Variants in C1R observed in about 807,000 individuals in gnomAD.
C1R encodes complement C1r subcomponent.
A neutral mutation model predicts 27.6 loss-of-function variants in C1R; 15 were observed. The ratio of observed to expected loss-of-function variants is 0.54; its 90% CI spans 0.36 to 0.84. The LOEUF is 0.84. Among genes scored for constraint, C1R ranks in the 40% least tolerant of loss-of-function variants. The pLI, the probability that C1R is intolerant of heterozygous loss-of-function variation, is 0.01. For missense variants in C1R, 544 were observed against 577.9 expected, an observed-to-expected ratio of 0.94 and a Z score of 0.60; for synonymous variants, 253 against 228.8, an observed-to-expected ratio of 1.11 and a Z score of -0.95.
intron 4 of C1R, 44 bp downstream of exon 4, chr12:7,089,543 C>G: frequency 1.3e-6 from 1 of 780,438 alleles, no homozygotes; most frequent in Non-Finnish European, 2.4e-6. Flanking sequence ...GCCCAGCAAG[C>G]CCTGGCTCAA....
Position 7,081,125 on chromosome 12 carries a change from G to T in C1R, c.1525C>A (p.His509Asn). The T allele has an allele frequency of 2.5e-6, 4 of 1,614,066 alleles. No homozygotes were observed. Among genetic ancestry groups the T allele is most frequent in the Non-Finnish European group, 3.4e-6 (4 of 1,179,898 alleles). The change falls in exon 11 of 11, where the codon CAC becomes AAC. Residue 509 changes from histidine to asparagine, a missense_variant. By Grantham distance (68) the His-to-Asn change is moderately conservative (BLOSUM62 1). Coordinates refer to ENST00000647956, the MANE Select transcript of C1R (RefSeq NM_001733.7). ...AAAGAGGCGTTGCTTTGCGCTTCGTGTTCCTTGGGATACAGGGTGTGGGCA... is the reference window on the plus strand; with the variant it reads ...AAAGAGGCGTTGCTTTGCGCTTCGTTTTCCTTGGGATACAGGGTGTGGGCA... ...TAAHTLYPKE[H>N]EAQSNASLDV... is the part of the protein sequence containing the mutation.
Position 7,082,126 on chromosome 12 carries a change from G to C in C1R, c.1274-20C>G. 7.2e-7 allele frequency: 1 copy of C among 1,392,832 alleles called. No individual in the cohort carries two copies. The allele number at this position is 1,392,832 out of a possible 1,614,324, so 86.3% of individuals were successfully genotyped here. On this transcript the variant is annotated intron_variant, in intron 9 of 10. Transcript: ENST00000647956. The stretch of plus-strand genomic sequence containing the variant: ...ACACCCCTGAGGGCAGAGGAGGCAA[G>C]AATCAAGTTGGGGGGTGATGGGTAA...
At chr12:7,089,019 T>G in intron 5 of C1R, 33 bp from the exon 6 acceptor site, 1 of 696,082 alleles carries the variant, frequency 1.4e-6, no homozygotes, top group African/African-American at 1.8e-5. Context: ...TTTTTTCAGC[T>G]TGGACGTTTT....
Position 7,080,503 on chromosome 12 carries a change from T to C in C1R, c.*29A>G. The C allele has an allele frequency of 3.9e-6, 6 of 1,520,782 alleles. No individual in the cohort carries two copies. Among genetic ancestry groups the C allele is most frequent in the Non-Finnish European group, 5.3e-6 (6 of 1,135,396 alleles). 94.2% of individuals were successfully genotyped at this position (1,520,782 alleles called of 1,614,324 possible). Reference sequence around the variant, plus strand: ...TTGTTTTTTTTTTTCCACACTGCTCTCTGGATTCGAACCTAGTGAATTCTG... The same window carrying C: ...TTGTTTTTTTTTTTCCACACTGCTCCCTGGATTCGAACCTAGTGAATTCTG... On this transcript the variant is annotated 3_prime_UTR_variant, in exon 11 of 11. Transcript: ENST00000647956. The surrounding 1 kb of genome is among the most constrained non-coding windows in gnomAD (Gnocchi z 4.9).
intron 9 of C1R, among the ~76,000 whole-genome samples, chr12:7,084,663 G>A (rs1362871141): frequency 1.9e-5 from 2 of 106,422 alleles, no homozygotes; most frequent in Non-Finnish European, 3.9e-5. Flanking sequence ...AGTGGTGATG[G>A]TGTTGGTAAT....
chr12:7,088,394 A>G (rs1938188272), intron 7 of C1R: 1 of 701,546 alleles, frequency 1.4e-6, no homozygotes, highest in Non-Finnish European at 2.6e-6. Flanking sequence ...GGCTATTCAC[A>G]GGGGCCTTGA....
Position 7,088,862 on chromosome 12 carries a change from C to A in C1R, c.893G>T (p.Trp298Leu). 1.3e-6 allele frequency: 1 copy of A among 773,154 alleles called. No homozygotes were observed. Among genetic ancestry groups the A allele is most frequent in the Non-Finnish European group, 2.4e-6 (1 of 415,160 alleles). The allele number at this position is 773,154 out of a possible 1,614,324, so 47.9% of individuals were successfully genotyped here. ...FTDESGDSRG[W>L]KLRYTTEIIK... ...ACTCTCGGTGGTGTAGCGCAGCTTC[C>A]AGCCCCGGCTGTCCCCCGACTCATC... is the stretch of plus-strand genomic sequence containing the variant. The change falls in exon 6 of 11, where the codon TGG becomes TTG. Residue 298 changes from tryptophan to leucine, a missense_variant. Transcript: ENST00000647956.
chr12:7,081,392 C>T (rs924363252), intron 10 of C1R, 91 bp from the exon 11 acceptor site: 46 of 1,205,528 alleles, frequency 3.8e-5, no homozygotes, highest in South Asian at 3.8e-4. Flanking sequence ...TTTGCCCTCT[C>T]TTTTTGGCTT....
At chr12:7,081,631 T>A (rs1249946868) in intron 10 of C1R, among the ~76,000 whole-genome samples, 1 of 152,188 alleles carries the variant, frequency 6.6e-6, no homozygotes, top group East Asian at 1.9e-4. Context: ...TAGCTGGGAC[T>A]ACAGGCATGT....
rs1253798207 is a variant in C1R at position 7,085,982 on chromosome 12, A to G, written c.1152T>C (p.Asn384=). 2.5e-6 allele frequency: 1 copy of G among 398,550 alleles called. No individual in the cohort carries two copies. Among genetic ancestry groups the G allele is most frequent in the Non-Finnish European group, 4.4e-6 (1 of 226,116 alleles). The allele number at this position is 398,550 out of a possible 1,614,324, so 24.7% of individuals were successfully genotyped here. ...KDCGQPRNLP[N]GDFRYTTTMG... ...TTGTGGTGGTGTAACGGAAGTCACCATTAGGCAGGTTTCGGGGCTGCCCAC... is the reference window on the plus strand; with the variant it reads ...TTGTGGTGGTGTAACGGAAGTCACCGTTAGGCAGGTTTCGGGGCTGCCCAC... Residue 384 remains asparagine, a synonymous_variant, in exon 9 of 11, where the codon AAT becomes AAC. Transcript: ENST00000647956.
Position 7,091,342 on chromosome 12 carries a change from C to T in C1R, c.231+110G>A, listed in dbSNP as rs1406110623. The stretch of plus-strand genomic sequence containing the variant: ...CCGGGCTCTCAGAGAGGCCGTTGGC[C>T]ATCAGCTCTTGTGGGGCTGGGCTGT... On this transcript the variant is annotated intron_variant, in intron 2 of 10. Transcript: ENST00000647956. The surrounding 1 kb of genome is among the most constrained non-coding windows in gnomAD (Gnocchi z 5.1). 2 of 669,068 alleles carry T rather than the reference C, an allele frequency of 3.0e-6. No homozygotes were observed. Among genetic ancestry groups the T allele is most frequent in the Admixed American group, 5.5e-5 (2 of 36,526 alleles). 41.4% of individuals were successfully genotyped at this position (669,068 alleles called of 1,614,324 possible). A position where few individuals can be genotyped will look rare whatever the true frequency, so the allele number is the denominator to read the frequency against.
intron 9 of C1R, among the ~76,000 whole-genome samples, chr12:7,085,590 C>T (rs1280681416): frequency 6.6e-6 from 1 of 151,850 alleles, no homozygotes; most frequent in Non-Finnish European, 1.5e-5. Context: ...GTGATGGTAG[C>T]AATGGGGGTG....
chr12:7,089,858 A>G (rs1318340268), intron 3 of C1R, 125 bp from the exon 4 acceptor site: 7 of 712,038 alleles, frequency 9.8e-6, no homozygotes, highest in Non-Finnish European at 1.8e-5. Flanking sequence ...CTGGACCTCC[A>G]GGCCTCTCCA....
chr12:7,085,216 GATA>G (rs1198089435), intron 9 of C1R, among the ~76,000 whole-genome samples: 9 of 150,940 alleles, frequency 6.0e-5, no homozygotes, highest in South Asian at 2.1e-4. Flanking sequence ...TGCTGGTGGT[GATA>G]ATGGTAGTGG....
chr12:7,092,410 C>T lies in C1R; in HGVS notation c.-22G>A. On this transcript the variant is annotated 5_prime_UTR_variant, in exon 1 of 11. Transcript: ENST00000647956. ...ACATTTCTCAAGGCCCGTGTTGAAT[C>T]CTGGGCTCTCCCGACAGCGTCTTCG... 1 of 780,840 alleles carries T rather than the reference C, an allele frequency of 1.3e-6. No homozygotes were observed. The allele number at this position is 780,840 out of a possible 1,614,324, so 48.4% of individuals were successfully genotyped here.
At position 7,080,407 on chromosome 12, in the gene C1R, C is replaced by T. The variant is rs1256808474; in HGVS notation, c.*125G>A. The T allele has an allele frequency of 1.4e-6, 2 of 1,431,486 alleles. No homozygotes were observed. The highest frequency in any genetic ancestry group is 1.4e-5 in the African/African-American group (1 of 70,254). 88.7% of individuals were successfully genotyped at this position (1,431,486 alleles called of 1,614,324 possible). A position where few individuals can be genotyped will look rare whatever the true frequency, so the allele number is the denominator to read the frequency against. ...TGGGACTACAGGAAAGAGAATTTCACACACGGTCTTTCTGCATCAGTAATT... is the reference window on the plus strand; with the variant it reads ...TGGGACTACAGGAAAGAGAATTTCATACACGGTCTTTCTGCATCAGTAATT... On this transcript the variant is annotated 3_prime_UTR_variant, in exon 11 of 11. Coordinates refer to ENST00000647956, the MANE Select transcript of C1R (RefSeq NM_001733.7). This position sits in a 1 kb window ranked among gnomAD's most constrained non-coding sequence, Gnocchi z 4.9.
At position 7,091,797 on chromosome 12, in the gene C1R, A is replaced by C. The variant is rs1404777075; in HGVS notation, c.3-117T>G. On this transcript the variant is annotated intron_variant, in intron 1 of 10. Transcript: ENST00000647956. This position sits in a 1 kb window ranked among gnomAD's most constrained non-coding sequence, Gnocchi z 5.1. ...CCACTGGGCATTCTCCTCTCTGCCC[A>C]CCCTGAACCTCACAGACATGTTCTC... is the stretch of plus-strand genomic sequence containing the variant. 4 of 711,156 alleles carry C rather than the reference A, an allele frequency of 5.6e-6. No homozygotes were observed. The highest frequency in any genetic ancestry group is 5.2e-6 in the Non-Finnish European group (2 of 384,900). The allele number at this position is 711,156 out of a possible 1,614,324, so 44.1% of individuals were successfully genotyped here. A position where few individuals can be genotyped will look rare whatever the true frequency, so the allele number is the denominator to read the frequency against.
chr12:7,080,512 GA>G lies in C1R; in HGVS notation c.*19del. On this transcript the variant is annotated 3_prime_UTR_variant, in exon 11 of 11. Transcript: ENST00000647956. The surrounding 1 kb of genome is among the most constrained non-coding windows in gnomAD (Gnocchi z 4.9). The stretch of plus-strand genomic sequence containing the variant: ...TTTTTCCACACTGCTCTCTGGATTC[GA>G]ACCTAGTGAATTCTGGGCTCAGTCC... 1 of 1,522,818 alleles carries G rather than the reference GA, an allele frequency of 6.6e-7. No homozygotes were observed. The highest frequency in any genetic ancestry group is 8.8e-7 in the Non-Finnish European group (1 of 1,135,834). The allele number at this position is 1,522,818 out of a possible 1,614,324, so 94.3% of individuals were successfully genotyped here. A position where few individuals can be genotyped will look rare whatever the true frequency, so the allele number is the denominator to read the frequency against.
intron 7 of C1R, 200 bp downstream of exon 7, chr12:7,088,410 T>C (rs1938188503): frequency 1.4e-6 from 1 of 702,676 alleles, no homozygotes; most frequent in Non-Finnish European, 2.6e-6. Flanking sequence ...CTTGAATGAA[T>C]GGGCTCAAGC....
Sources: gnomAD v4.1 joint callset for allele counts (sites outside exome capture counted in the v4.1 genomes callset) on GRCh38, gnomAD v4.1.1 for gene constraint, Gnocchi (gnomAD v3.1) non-coding constraint, MANE v1.5 for transcripts, NCBI Gene and HGNC (gene_info 2026-07-23, HGNC 2026-07-21) for gene names.